PACSIN2: variants seen among roughly 807,000 people sequenced by gnomAD.
PACSIN2 encodes the protein protein kinase C and casein kinase substrate in neurons 2, also known as protein kinase C and casein kinase substrate in neurons protein 2.
A neutral mutation model predicts 63.8 loss-of-function variants in PACSIN2; 25 were observed. That is an observed-to-expected ratio of 0.39 (90% CI 0.29 to 0.55). The LOEUF (loss-of-function observed/expected upper bound fraction) is 0.55. Ranked by LOEUF, PACSIN2 falls within the 20% of genes least tolerant of loss-of-function variation. PACSIN2 has a pLI of 0.62. For synonymous variants in PACSIN2, 255 were observed against 256.2 expected, an observed-to-expected ratio of 1.00 and a Z score of 0.05; for missense variants, 518 against 646.9, an observed-to-expected ratio of 0.80 and a Z score of 2.16.
intron 1 of PACSIN2, among the ~76,000 whole-genome samples, chr22:42,920,272 C>CA (rs1932099037): frequency 6.6e-6 from 1 of 152,194 alleles, no homozygotes; most frequent in Non-Finnish European, 1.5e-5. Context: ...AACTCACTCT[C>CA]ACGGGCTACC....
At chr22:42,991,151 A>C (rs1923011867) in intron 1 of PACSIN2, among the ~76,000 whole-genome samples, 1 of 152,114 alleles carries the variant, frequency 6.6e-6, no homozygotes. Context: ...AGACTTTACC[A>C]CCTCCTAGGA....
intron 1 of PACSIN2, among the ~76,000 whole-genome samples, chr22:43,012,130 C>CT (rs1569379947): frequency 4.0e-5 from 6 of 150,396 alleles, no homozygotes; most frequent in Admixed American, 2.0e-4. Flanking sequence ...GGCGACAGAG[C>CT]GAGACTCTGT....
intron 1 of PACSIN2, among the ~76,000 whole-genome samples, chr22:42,970,421 A>C (rs1026383892): frequency 2.0e-5 from 3 of 152,244 alleles, no homozygotes; most frequent in Admixed American, 6.5e-5. Flanking sequence ...AATCCAAAGA[A>C]AGTCCATAGT....
chr22:42,999,780 C>G (rs757343934), intron 1 of PACSIN2, among the ~76,000 whole-genome samples: 4 of 152,194 alleles, frequency 2.6e-5, no homozygotes, highest in Non-Finnish European at 5.9e-5. Flanking sequence ...TGTGGGGGAC[C>G]ACCAGTGCTT....
chr22:42,981,726 A>G (rs1405113325), intron 1 of PACSIN2, among the ~76,000 whole-genome samples: 1 of 92,970 alleles, frequency 1.1e-5, no homozygotes, highest in Non-Finnish European at 2.2e-5. Context: ...CCCTACTGGG[A>G]AGTGAGGAGC....
At chr22:42,985,060 G>T (rs974312204) in intron 1 of PACSIN2, among the ~76,000 whole-genome samples, 10 of 152,220 alleles carry the variant, frequency 6.6e-5, no homozygotes, top group African/African-American at 2.2e-4. Context: ...TGGGTGTGGT[G>T]GCTCACGCCT....
At chr22:42,908,841 G>C (rs886572383) in intron 2 of PACSIN2, among the ~76,000 whole-genome samples, 26 of 152,184 alleles carry the variant, frequency 1.7e-4, no homozygotes, top group African/African-American at 6.3e-4. Flanking sequence ...CTCAGCCACA[G>C]GCCTCCTCTG....
At chr22:42,899,476 G>T (rs1014811964) in intron 2 of PACSIN2, among the ~76,000 whole-genome samples, 2 of 152,180 alleles carry the variant, frequency 1.3e-5, no homozygotes, top group African/African-American at 2.4e-5. Flanking sequence ...TGCCCAGAGG[G>T]ATGTGCCTGA....
At chr22:42,874,906 A>C (rs1005360744) in intron 10 of PACSIN2, among the ~76,000 whole-genome samples, 5 of 144,228 alleles carry the variant, frequency 3.5e-5, no homozygotes, top group African/African-American at 1.0e-4. Context: ...GCTGGAGTGC[A>C]GTGGCGCAAT....
intron 7 of PACSIN2, chr22:42,880,690 A>G (rs774901519): frequency 6.6e-6 from 1 of 152,206 alleles, no homozygotes; most frequent in Admixed American, 6.5e-5. Flanking sequence ...ACAGCTGCAA[A>G]TGTGCGCAGA....
intron 1 of PACSIN2, among the ~76,000 whole-genome samples, chr22:42,917,649 C>A (rs369726351): frequency 6.6e-6 from 1 of 152,062 alleles, no homozygotes; most frequent in Non-Finnish European, 1.5e-5. Flanking sequence ...AAAGTGAACA[C>A]GCACTGCTCT....
At chr22:42,969,429 T>C (rs537787333) in intron 1 of PACSIN2, among the ~76,000 whole-genome samples, 28 of 152,358 alleles carry the variant, frequency 1.8e-4, no homozygotes, top group Middle Eastern at 6.8e-3. Flanking sequence ...TACCCTGTTA[T>C]TAGCAGTACC....
At chr22:42,960,460 C>T (rs992886625) in intron 1 of PACSIN2, among the ~76,000 whole-genome samples, 31 of 152,276 alleles carry the variant, frequency 2.0e-4, no homozygotes, top group African/African-American at 7.2e-4. Context: ...CTCAGCAGCA[C>T]GACTGTCTCC....
intron 2 of PACSIN2, among the ~76,000 whole-genome samples, chr22:42,905,022 T>C (rs1032200332): frequency 6.6e-6 from 1 of 152,214 alleles, no homozygotes; most frequent in African/African-American, 2.4e-5. Flanking sequence ...AATGTGTCTC[T>C]TAAACAGTTT....
intron 1 of PACSIN2, among the ~76,000 whole-genome samples, chr22:43,001,912 T>C (rs1923790610): frequency 6.6e-6 from 1 of 152,136 alleles, no homozygotes; most frequent in Non-Finnish European, 1.5e-5. Context: ...CTAAGCACCT[T>C]GTCCTTTGCA....
At chr22:42,952,363 A>T (rs192944480) in intron 1 of PACSIN2, among the ~76,000 whole-genome samples, 1 of 151,440 alleles carries the variant, frequency 6.6e-6, no homozygotes, top group African/African-American at 2.4e-5. Flanking sequence ...TTTTAAGTTT[A>T]TCTTTTTTTT....
intron 10 of PACSIN2, among the ~76,000 whole-genome samples, chr22:42,872,381 C>G (rs375483821): frequency 1.3e-5 from 2 of 152,320 alleles, no homozygotes; most frequent in African/African-American, 4.8e-5. Context: ...GCTCGGACCT[C>G]GTCAGGAGCA....
chr22:42,976,044 C>T (rs1176077660), intron 1 of PACSIN2, among the ~76,000 whole-genome samples: 1 of 152,218 alleles, frequency 6.6e-6, no homozygotes, highest in African/African-American at 2.4e-5. Context: ...ACAGAGTTCA[C>T]AGCATTGAGG....
chr22:42,887,998 C>T (rs1373956230), intron 5 of PACSIN2, among the ~76,000 whole-genome samples: 1 of 152,010 alleles, frequency 6.6e-6, no homozygotes, highest in Non-Finnish European at 1.5e-5. Context: ...ATCCTCCCTC[C>T]CACCTGGCTC....
Sources: gnomAD v4.1 joint callset for allele counts (sites outside exome capture counted in the v4.1 genomes callset) on GRCh38, gnomAD v4.1.1 for gene constraint, MANE v1.5 for transcripts, NCBI Gene and HGNC (gene_info 2026-07-23, HGNC 2026-07-21) for gene names.